The following TLK2 variants were observed in gnomAD, a reference collection of about 807,000 sequenced individuals.
TLK2 encodes the protein tousled like kinase 2, also known as serine/threonine-protein kinase tousled-like 2.
A neutral mutation model predicts 117.3 loss-of-function variants in TLK2; 6 were observed. The ratio of observed to expected loss-of-function variants is 0.05; its 90% confidence interval spans 0.03 to 0.10. The LOEUF is 0.10. Among genes scored for constraint, TLK2 ranks in the 10% least tolerant of loss-of-function variants. The pLI is 1.00. For missense variants in TLK2, 299 were observed against 901.2 expected, an observed-to-expected ratio of 0.33 and a Z score of 8.56; for synonymous variants, 257 against 316.7, an observed-to-expected ratio of 0.81 and a Z score of 2.00.
chr17:62,487,223 C>T (rs1301921401), intron 2 of TLK2, among the ~76,000 whole-genome samples: 4 of 150,544 alleles, frequency 2.7e-5, no homozygotes, highest in Admixed American at 6.7e-5. Flanking sequence ...ACCAGGGAGT[C>T]GGAGGTTGCA....
At chr17:62,523,987 A>T (rs1176502254) in intron 5 of TLK2, among the ~76,000 whole-genome samples, 3 of 152,096 alleles carry the variant, frequency 2.0e-5, no homozygotes, top group Non-Finnish European at 4.4e-5. Flanking sequence ...TTTCAAAATC[A>T]TGTATACCTT....
At chr17:62,495,249 C>A (rs1039579691) in intron 2 of TLK2, among the ~76,000 whole-genome samples, 1 of 151,916 alleles carries the variant, frequency 6.6e-6, no homozygotes, top group African/African-American at 2.4e-5. Context: ...CACACCATTG[C>A]AGTCTAGCCC....
intron 6 of TLK2, among the ~76,000 whole-genome samples, chr17:62,528,201 G>A (rs957993120): frequency 1.3e-5 from 2 of 151,958 alleles, no homozygotes; most frequent in African/African-American, 4.8e-5. Context: ...ACAGTGCTTG[G>A]GACACAATAG....
chr17:62,493,921 C>T (rs952058705), intron 2 of TLK2, among the ~76,000 whole-genome samples: 2 of 152,190 alleles, frequency 1.3e-5, no homozygotes, highest in Non-Finnish European at 2.9e-5. Flanking sequence ...CCATGCCCGG[C>T]TAATTTTTGT....
At chr17:62,488,224 G>A (rs1003167036) in intron 2 of TLK2, among the ~76,000 whole-genome samples, 1 of 152,194 alleles carries the variant, frequency 6.6e-6, no homozygotes, top group Non-Finnish European at 1.5e-5. Flanking sequence ...GTCAGCCACC[G>A]TGCCCGGGCC....
Position 62,517,863 on chromosome 17 carries a change from A to G in TLK2, c.82-2910A>G, listed in dbSNP as rs542121131. Among the ~76,000 whole-genome samples, 21 of 151,760 alleles carry G rather than the reference A, an allele frequency of 1.4e-4. No individual in the cohort carries two copies. In the East Asian group the frequency reaches 2.9e-3, roughly 21 times the overall value. On this transcript the variant is annotated intron_variant, in intron 2 of 21. Coordinates refer to ENST00000346027, the MANE Select transcript of TLK2 (RefSeq NM_006852.6). ...TTGGTGTGCACCATCCCGCCCGACT[A>G]TGTTTTGTAATTTTAGTATAGATGG...
chr17:62,596,140 C>T lies in TLK2; in HGVS notation c.1461-445C>T, dbSNP rs180741784. Among the ~76,000 whole-genome samples, 7 of 152,198 alleles carry T rather than the reference C, an allele frequency of 4.6e-5. No individual in the cohort carries two copies. The East Asian group carries it at 1.2e-3, about 25-fold the overall frequency. On this transcript the variant is annotated intron_variant, in intron 16 of 21. Coordinates refer to ENST00000346027, the MANE Select transcript of TLK2 (RefSeq NM_006852.6). ...GTCACCAGGCTGGAGTGCAGTGGCG[C>T]GACCTCAGCTCACTGCATCCTCCAA...
intron 12 of TLK2, among the ~76,000 whole-genome samples, chr17:62,573,697 C>G (rs1027290339): frequency 1.3e-5 from 2 of 152,142 alleles, no homozygotes; most frequent in African/African-American, 4.8e-5. Flanking sequence ...GTGTGGTACA[C>G]TAGTATCATC....
intron 15 of TLK2, among the ~76,000 whole-genome samples, 170 bp downstream of exon 15, chr17:62,580,362 C>T (rs1205852514): frequency 2.0e-5 from 3 of 151,922 alleles, no homozygotes; most frequent in Non-Finnish European, 4.4e-5. Flanking sequence ...CCTAAGTGAC[C>T]AAGCAGAATA....
chr17:62,551,946 G>C, intron 7 of TLK2: 1 of 333,544 alleles, frequency 3.0e-6, no homozygotes, highest in Non-Finnish European at 5.8e-6. Context: ...CCTGTGCATT[G>C]GATGCTTCAC....
intron 19 of TLK2, among the ~76,000 whole-genome samples, chr17:62,604,995 A>G (rs1031201536): frequency 6.6e-6 from 1 of 152,118 alleles, no homozygotes; most frequent in African/African-American, 2.4e-5. Context: ...AATTAAGGTT[A>G]TACTTATCCA....
chr17:62,534,209 A>G (rs1339967017), intron 6 of TLK2, among the ~76,000 whole-genome samples: 2 of 152,218 alleles, frequency 1.3e-5, no homozygotes, highest in Non-Finnish European at 2.9e-5. Flanking sequence ...CTACAAAAAC[A>G]ACTGCCCAAG....
At chr17:62,511,336 T>C (rs1337329164) in intron 2 of TLK2, among the ~76,000 whole-genome samples, 1 of 152,216 alleles carries the variant, frequency 6.6e-6, no homozygotes, top group East Asian at 1.9e-4. Flanking sequence ...AATTTCATTA[T>C]TTCATAATTA....
intron 8 of TLK2, among the ~76,000 whole-genome samples, chr17:62,553,004 T>C (rs1185141578): frequency 1.3e-5 from 2 of 152,240 alleles, no homozygotes; most frequent in Non-Finnish European, 1.5e-5. Context: ...ATTTAGGTAG[T>C]GTTCTGAACA....
chr17:62,571,919 G>T (rs548097615), intron 11 of TLK2, among the ~76,000 whole-genome samples: 26 of 152,244 alleles, frequency 1.7e-4, no homozygotes, highest in African/African-American at 6.3e-4. Context: ...TGTAATCCCA[G>T]CACTTTGGGA....
At chr17:62,594,520 A>G (rs975188594) in intron 16 of TLK2, among the ~76,000 whole-genome samples, 1 of 152,224 alleles carries the variant, frequency 6.6e-6, no homozygotes, top group African/African-American at 2.4e-5. Flanking sequence ...ACCATAGGCT[A>G]ATTGACATAA....
chr17:62,594,728 A>T (rs2082330359), intron 16 of TLK2, among the ~76,000 whole-genome samples: 1 of 152,078 alleles, frequency 6.6e-6, no homozygotes, highest in Non-Finnish European at 1.5e-5. Flanking sequence ...AGCCTATATC[A>T]GCAGCTCAGG....
intron 2 of TLK2, among the ~76,000 whole-genome samples, chr17:62,504,909 TC>T (rs2074539871): frequency 6.6e-6 from 1 of 152,170 alleles, no homozygotes; most frequent in East Asian, 1.9e-4. Context: ...AGTGGCGTGA[TC>T]TTGGCTTACT....
At chr17:62,514,914 T>G (rs1412311447) in intron 2 of TLK2, among the ~76,000 whole-genome samples, 1 of 152,216 alleles carries the variant, frequency 6.6e-6, no homozygotes, top group Non-Finnish European at 1.5e-5. Context: ...TCTTAACCAT[T>G]TTTAAGTGTA....
Sources: gnomAD v4.1 joint callset for allele counts (sites outside exome capture counted in the v4.1 genomes callset) on GRCh38, gnomAD v4.1.1 for gene constraint, MANE v1.5 for transcripts, NCBI Gene and HGNC (gene_info 2026-07-23, HGNC 2026-07-21) for gene names.